Variants in SYN3 observed in about 807,000 individuals in gnomAD.
SYN3 encodes the protein synapsin III.
Under a neutral mutation model 65.8 loss-of-function variants are expected in SYN3, and 35 were observed. The observed-to-expected ratio is 0.53, with a 90% confidence interval of 0.41 to 0.70. The LOEUF is 0.70. Among genes scored for constraint, SYN3 ranks in the 30% least tolerant of loss-of-function variants. The probability of loss-of-function intolerance (pLI) is 0.00; values close to 1 mark genes in which losing one functional copy is unlikely to be tolerated. For synonymous variants in SYN3, 270 were observed against 292.9 expected, an observed-to-expected ratio of 0.92 and a Z score of 0.80; for missense variants, 680 against 749.0, an observed-to-expected ratio of 0.91 and a Z score of 1.08.
chr22:32,925,824 T>G (rs2050453149), intron 4 of SYN3, among the ~76,000 whole-genome samples: 1 of 151,540 alleles, frequency 6.6e-6, no homozygotes, highest in Non-Finnish European at 1.5e-5. Flanking sequence ...CCTAGGTGAT[T>G]CTAATCTGTA....
At chr22:32,632,698 C>G (rs941360471) in intron 6 of SYN3, among the ~76,000 whole-genome samples, 2 of 152,190 alleles carry the variant, frequency 1.3e-5, no homozygotes, top group African/African-American at 4.8e-5. Flanking sequence ...GGCAATCATC[C>G]TCCTTAGCCT....
At chr22:33,023,570 G>A (rs1276252184) in intron 1 of SYN3, among the ~76,000 whole-genome samples, 1 of 152,126 alleles carries the variant, frequency 6.6e-6, no homozygotes, top group Non-Finnish European at 1.5e-5. Context: ...CAAAAACTTT[G>A]CCATGGGTGG....
intron 6 of SYN3, among the ~76,000 whole-genome samples, chr22:32,810,846 CTT>C (rs2046897594): frequency 6.6e-6 from 1 of 152,100 alleles, no homozygotes; most frequent in Non-Finnish European, 1.5e-5. Context: ...GAAGGGCTCC[CTT>C]TTGACTTAGA....
chr22:32,615,226 G>A (rs2059499124), intron 6 of SYN3, among the ~76,000 whole-genome samples: 1 of 152,050 alleles, frequency 6.6e-6, no homozygotes, highest in South Asian at 2.1e-4. Context: ...CCTGAGGTCA[G>A]GAGTTCGAAA....
chr22:32,615,380 G>T (rs953894913), intron 6 of SYN3, among the ~76,000 whole-genome samples: 1 of 138,202 alleles, frequency 7.2e-6, no homozygotes, highest in Non-Finnish European at 1.5e-5. Context: ...GTTGCAGTGA[G>T]CTGAGGTTGT....
At chr22:32,970,066 A>G (rs2081727) in intron 3 of SYN3, among the ~76,000 whole-genome samples, 35,833 of 152,174 alleles carry the variant, frequency 0.24, 4,354 homozygotes, top group Non-Finnish European at 0.27. Context: ...AACTACTCAG[A>G]CAAATGTGTT....
At chr22:32,640,194 C>A (rs1297142773) in intron 6 of SYN3, among the ~76,000 whole-genome samples, 1 of 152,154 alleles carries the variant, frequency 6.6e-6, no homozygotes, top group South Asian at 2.1e-4. Flanking sequence ...TGGTACCCCA[C>A]AAATCACGCT....
intron 3 of SYN3, among the ~76,000 whole-genome samples, chr22:32,943,405 T>C (rs2051001574): frequency 1.3e-5 from 2 of 152,304 alleles, no homozygotes; most frequent in African/African-American, 4.8e-5. Context: ...CTGAGAGATT[T>C]TGTCACCATC....
At chr22:33,035,046 T>C (rs2053827573) in intron 1 of SYN3, among the ~76,000 whole-genome samples, 1 of 152,108 alleles carries the variant, frequency 6.6e-6, no homozygotes, top group Admixed American at 6.5e-5. Context: ...GTGGCAAGTA[T>C]GGGGACACGT....
rs370624036 is a variant in SYN3, at chr22:32,688,666, T to C, written c.712-91930A>G. 5.4e-3 allele frequency among the ~76,000 whole-genome samples: 823 copies of C among 152,048 alleles called. 3 individuals carry two copies. The highest frequency in any genetic ancestry group is 0.019 in the African/African-American group (777 of 41,462). ...AGTTTTTCAAAGAGATTTTTTTTTT[T>C]CACCTGCTCCTCAGGCAGAGCCTTG... On this transcript the variant is annotated intron_variant, in intron 6 of 13. Transcript: ENST00000358763.
At chr22:32,802,182 T>A (rs1174846977) in intron 6 of SYN3, 1 of 1,533,936 alleles carries the variant, frequency 6.5e-7, no homozygotes, top group East Asian at 2.5e-5. Context: ...CAGCGCTGCT[T>A]AGGGAGGCAG....
At chr22:32,671,721 T>C (rs2060371440) in intron 6 of SYN3, among the ~76,000 whole-genome samples, 1 of 143,098 alleles carries the variant, frequency 7.0e-6, no homozygotes, top group Non-Finnish European at 1.5e-5. Flanking sequence ...ACACATGCTC[T>C]CACAGGTACA....
chr22:32,710,099 A>ACACACG (rs1555931598), intron 6 of SYN3, among the ~76,000 whole-genome samples: 6 of 65,630 alleles, frequency 9.1e-5, no homozygotes, highest in Admixed American at 1.9e-4. Context: ...ACACACACAC[A>ACACACG]TGTGTGTGTG....
In SYN3 at chr22:32,664,429, A is replaced by G. The variant is rs377646677; in HGVS notation, c.712-67693T>C. On this transcript the variant is annotated intron_variant, in intron 6 of 13. Transcript: ENST00000358763. ...TTTAGTCCTTGTCTTTCTTGACCTA[A>G]CAGCAGCATTTATTTATTTATTTAT... 6.9e-3 allele frequency among the ~76,000 whole-genome samples: 1,057 copies of G among 152,132 alleles called. 15 individuals are homozygous for G. Among genetic ancestry groups the G allele is most frequent in the African/African-American group, 0.024 (981 of 41,474 alleles).
chr22:32,943,648 C>T (rs2146775046), intron 3 of SYN3, among the ~76,000 whole-genome samples: 1 of 152,284 alleles, frequency 6.6e-6, no homozygotes, highest in East Asian at 1.9e-4. Context: ...AAGACACAGA[C>T]TGGCAAATTG....
intron 6 of SYN3, among the ~76,000 whole-genome samples, chr22:32,639,169 G>A (rs2059860940): frequency 6.6e-6 from 1 of 152,106 alleles, no homozygotes. Flanking sequence ...TAGCCAGAAT[G>A]GTCTCGATCT....
intron 9 of SYN3, among the ~76,000 whole-genome samples, chr22:32,534,879 G>A (rs2058137630): frequency 6.6e-6 from 1 of 152,158 alleles, no homozygotes; most frequent in Admixed American, 6.5e-5. Context: ...CACACAGTAA[G>A]GTGTAAGAAC....
intron 6 of SYN3, chr22:32,862,040 G>C (rs917771540): frequency 6.6e-6 from 1 of 152,572 alleles, no homozygotes; most frequent in Non-Finnish European, 1.5e-5. Context: ...GAAGGAACTA[G>C]TAACTGAGAC....
At chr22:32,570,641 C>T (rs2058746986) in intron 7 of SYN3, among the ~76,000 whole-genome samples, 1 of 151,982 alleles carries the variant, frequency 6.6e-6, no homozygotes, top group African/African-American at 2.4e-5. Context: ...GCAACTCTAC[C>T]CTTATAGAAA....
Sources: allele counts gnomAD v4.1 joint callset (sites outside exome capture counted in the v4.1 genomes callset), GRCh38; gene constraint gnomAD v4.1.1; transcripts MANE v1.5; gene names NCBI Gene and HGNC (gene_info 2026-07-23, HGNC 2026-07-21).